Variants in ZNF845 observed in about 807,000 individuals in gnomAD.
ZNF845 encodes the protein zinc finger protein 845.
A neutral mutation model predicts 76.1 loss-of-function variants in ZNF845; 59 were observed. The observed-to-expected ratio is 0.78, with a 90% CI of 0.63 to 0.96. The LOEUF is 0.96. Among genes scored for constraint, ZNF845 ranks in the 40% least tolerant of loss-of-function variants. The pLI is 0.00. For missense variants in ZNF845, 1,045 were observed against 1,172.8 expected (o/e 0.89, Z 1.59); for synonymous variants, 361 against 386.9 (o/e 0.93, Z 0.78).
At chr19:53,345,321 GA>G (rs200949602) in intron 2 of ZNF845, among the ~76,000 whole-genome samples, 184 bp from the exon 3 acceptor site, 8,404 of 141,866 alleles carry the variant, frequency 0.059, 353 homozygotes, top group East Asian at 0.17. Context: ...GTCTCAAAAA[GA>G]AAAAAAAAAA....
Position 53,353,446 on chromosome 19 carries a change from T to G in ZNF845, c.2771T>G (p.Phe924Cys), listed in dbSNP as rs1487670185. 6.2e-7 allele frequency: 1 copy of G among 1,613,544 alleles called. No individual in the cohort carries two copies. The highest frequency in any genetic ancestry group is 8.5e-7 in the Non-Finnish European group (1 of 1,179,880). ...PYKCNECGKT[F>C]RHNSVLVIHK... Reference sequence around the variant, plus strand: ...AAGTGTAATGAGTGTGGCAAAACCTTCCGTCACAATTCAGTCCTTGTAATT... The same window carrying G: ...AAGTGTAATGAGTGTGGCAAAACCTGCCGTCACAATTCAGTCCTTGTAATT... The change falls in exon 4 of 4, where the codon TTC becomes TGC. Residue 924 changes from phenylalanine to cysteine, a missense_variant. Transcript: ENST00000458035.
At chr19:53,342,640 G>A (rs1381554498) in intron 2 of ZNF845, among the ~76,000 whole-genome samples, 2 of 151,836 alleles carry the variant, frequency 1.3e-5, no homozygotes, top group African/African-American at 2.4e-5. Context: ...TTTCTGCATC[G>A]TTACGAGACT....
chr19:53,346,086 T>C (rs1419442556), intron 3 of ZNF845, among the ~76,000 whole-genome samples: 1 of 152,150 alleles, frequency 6.6e-6, no homozygotes, highest in Non-Finnish European at 1.5e-5. Context: ...AACATGTAGT[T>C]GGTTCCTGTT....
Position 53,350,925 on chromosome 19 carries a change from G to T in ZNF845, c.250G>T (p.Asp84Tyr), listed in dbSNP as rs368088171. ...LQRHERHHIG[D>Y]FCFQEMEKDI... is the part of the protein sequence containing the mutation. ...AAGACATGAACGTCATCACATTGGAGATTTTTGCTTCCAGGAAATGGAGAA... is the reference window on the plus strand; with the variant it reads ...AAGACATGAACGTCATCACATTGGATATTTTTGCTTCCAGGAAATGGAGAA... The change falls in exon 4 of 4, where the codon GAT (aspartate) becomes TAT (tyrosine). Residue 84 changes from aspartate to tyrosine, a missense_variant. Coordinates refer to ENST00000458035, the MANE Select transcript of ZNF845 (RefSeq NM_138374.3). The T allele has an allele frequency of 2.5e-5, 40 of 1,614,058 alleles. No individual in the cohort carries two copies. The highest frequency in any genetic ancestry group is 1.6e-4 in the Middle Eastern group (1 of 6,084).
In ZNF845 at chr19:53,352,920, T is replaced by C; in HGVS notation, c.2245T>C (p.Cys749Arg). 1.2e-6 allele frequency: 2 copies of C among 1,613,964 alleles called. No homozygotes were observed. The highest frequency in any genetic ancestry group is 8.5e-7 in the Non-Finnish European group (1 of 1,179,992). The change falls in exon 4 of 4, where the codon TGT becomes CGT. Residue 749 changes from cysteine to arginine, a missense_variant. Cys to Arg is a radical substitution (Grantham distance 180, BLOSUM62 -3). Transcript: ENST00000458035. Reference protein sequence around the residue: ...RLHTGEKPYKCEECDKVFSRK... With the variant: ...RLHTGEKPYKREECDKVFSRK... ...TCATACTGGAGAGAAACCTTACAAA[T>C]GTGAAGAATGTGACAAAGTTTTCAG...
rs61743337 is a variant in ZNF845, at chr19:53,351,112, C to A, written c.437C>A (p.Ser146Ter). ...GATCAGCTTGGATCAAGCTTTCATT[C>A]GCATCTGCCTGAACTCCACATGTTT... ...IKDQLGSSFHSHLPELHMFQT... is the reference protein window; with the variant it reads ...IKDQLGSSFH Residue 146 changes from serine (S) to a stop codon, truncating the protein, a stop_gained, in exon 4 of 4, where the codon TCG becomes TAG. Coordinates refer to ENST00000458035, the MANE Select transcript of ZNF845 (RefSeq NM_138374.3). LOFTEE classifies it high-confidence loss of function. 1.2e-6 allele frequency: 2 copies of A among 1,614,036 alleles called. No individual in the cohort carries two copies. The highest frequency in any genetic ancestry group is 1.7e-6 in the Non-Finnish European group (2 of 1,180,042).
chr19:53,349,862 C>T (rs1306213938), intron 3 of ZNF845, among the ~76,000 whole-genome samples: 1 of 151,912 alleles, frequency 6.6e-6, no homozygotes, highest in Admixed American at 6.6e-5. Flanking sequence ...TGGTGAAACC[C>T]CATCTTTACT....
chr19:53,347,275 C>CT (rs778703414), intron 3 of ZNF845, among the ~76,000 whole-genome samples: 132 of 141,588 alleles, frequency 9.3e-4, no homozygotes, highest in East Asian at 1.2e-3. Flanking sequence ...TTCTTTCTTT[C>CT]TTTTTTTTTT....
At position 53,348,984 on chromosome 19, in the gene ZNF845, G is replaced by A. The variant is rs2085315674; in HGVS notation, c.143-1834G>A. On this transcript the variant is annotated intron_variant, in intron 3 of 3. Transcript: ENST00000458035. ...CGATTCTCCTGCCTCAGCCTCCCGA[G>A]TAGTTGGGATTACAGGCTCCCGCCA... Among the ~76,000 whole-genome samples the A allele has an allele frequency of 2.0e-5, 3 of 150,532 alleles. No individual in the cohort carries two copies. In the South Asian group the frequency reaches 6.3e-4, roughly 31 times the overall value.
chr19:53,342,306 G>A (rs553263257), intron 2 of ZNF845, among the ~76,000 whole-genome samples: 8 of 151,854 alleles, frequency 5.3e-5, no homozygotes, highest in African/African-American at 7.3e-5. Context: ...TATTAGTGAC[G>A]GGCTATCACC....
intron 2 of ZNF845, among the ~76,000 whole-genome samples, chr19:53,344,684 G>A (rs1015648005): frequency 1.4e-5 from 2 of 144,760 alleles, no homozygotes; most frequent in Non-Finnish European, 3.0e-5. Context: ...ATGCTGGAGT[G>A]TAATGGCACA....
At chr19:53,334,199 C>T (rs1255898073) in intron 1 of ZNF845, among the ~76,000 whole-genome samples, 2 of 152,210 alleles carry the variant, frequency 1.3e-5, no homozygotes, top group East Asian at 1.9e-4. Flanking sequence ...GGTCTCCCCA[C>T]CGCAGTCACC....
At chr19:53,341,020 AC>A in intron 1 of ZNF845, 1 of 514,966 alleles carries the variant, frequency 1.9e-6, no homozygotes, top group East Asian at 3.0e-5. Flanking sequence ...CTCCAGCTAC[AC>A]CCTCACCCCC....
rs1163129776 is a variant in ZNF845, at chr19:53,341,320, CA to C, written c.14del (p.Gln5ArgfsTer4). ...AAAGGAGTCAGGGATGGCTCTTTCT[CA>C]GGTGAGATGATATGTTGGGTGGATT... Reference protein sequence around the residue: MALSQGLLTFRDVAI... With the variant: MALSXGLLTFRDVAI... On this transcript the variant is annotated frameshift_variant and splice_region_variant, in exon 2 of 4. Coordinates refer to ENST00000458035, the MANE Select transcript of ZNF845 (RefSeq NM_138374.3). LOFTEE classifies it high-confidence loss of function. The C allele has an allele frequency of 1.2e-6, 2 of 1,613,998 alleles. No individual in the cohort carries two copies. The highest frequency in any genetic ancestry group is 2.2e-5 in the South Asian group (2 of 91,078).
intron 1 of ZNF845, chr19:53,337,168 A>G (rs1419477395): frequency 4.4e-6 from 2 of 456,716 alleles, no homozygotes; most frequent in South Asian, 1.5e-5. Context: ...CCCAAACACT[A>G]AAACCCTTCC....
chr19:53,343,701 G>A (rs551669865), intron 2 of ZNF845, among the ~76,000 whole-genome samples: 2 of 152,116 alleles, frequency 1.3e-5, no homozygotes, highest in African/African-American at 4.8e-5. Context: ...GAATATCTGG[G>A]GGAAATGACA....
Position 53,353,179 on chromosome 19 carries a change from AGT to A in ZNF845, c.2508_2509del (p.Cys836TrpfsTer11). 6.2e-7 allele frequency: 1 copy of A among 1,613,264 alleles called. No individual in the cohort carries two copies. The highest frequency in any genetic ancestry group is 8.5e-7 in the Non-Finnish European group (1 of 1,179,252). On this transcript the variant is annotated frameshift_variant, in exon 4 of 4. Transcript: ENST00000458035. LOFTEE classifies it high-confidence loss of function. ...GGAGAGAAACCTTACAAGTGTAATG[AGT>A]GTGGCAAGACCTTCCGTCACAATTC...
chr19:53,340,953 T>C, intron 1 of ZNF845: 1 of 412,636 alleles, frequency 2.4e-6, no homozygotes, highest in Non-Finnish European at 4.3e-6. Flanking sequence ...TCCCCAGGTC[T>C]CTGTTCTGAT....
chr19:53,334,616 G>C (rs189155851), intron 1 of ZNF845, among the ~76,000 whole-genome samples: 5 of 152,160 alleles, frequency 3.3e-5, no homozygotes, highest in South Asian at 2.1e-4. Context: ...ATGAAGAAAG[G>C]GGGGCTGGGC....
Sources: gnomAD v4.1 joint callset for allele counts (sites outside exome capture counted in the v4.1 genomes callset) on GRCh38, gnomAD v4.1.1 for gene constraint, MANE v1.5 for transcripts, NCBI Gene and HGNC (gene_info 2026-07-23, HGNC 2026-07-21) for gene names.